MSI2: variants seen among roughly 807,000 people sequenced by gnomAD.
The protein encoded by MSI2 is RNA-binding protein Musashi homolog 2.
Under a neutral mutation model 45.6 loss-of-function variants are expected in MSI2, and 17 were observed. The observed-to-expected ratio is 0.37, with a 90% CI of 0.26 to 0.56. The LOEUF (loss-of-function observed/expected upper bound fraction) is 0.56, where lower values mean the gene tolerates loss of function less well. Among genes scored for constraint, MSI2 ranks in the 20% least tolerant of loss-of-function variants. MSI2 has a pLI of 0.77. For missense variants in MSI2, 293 were observed against 444.2 expected (o/e 0.66, Z 3.06); for synonymous variants, 156 against 158.2 (o/e 0.99, Z 0.11).
chr17:57,271,488 GA>G (rs1908366045), intron 5 of MSI2, among the ~76,000 whole-genome samples: 1 of 152,114 alleles, frequency 6.6e-6, no homozygotes, highest in Non-Finnish European at 1.5e-5. Flanking sequence ...CAAGGGTTTA[GA>G]AAAATCTAAT....
In MSI2 at chr17:57,487,237, C is replaced by T. The variant is rs149431384; in HGVS notation, c.406-42439C>T. Among the ~76,000 whole-genome samples the T allele has an allele frequency of 7.6e-4, 116 of 152,318 alleles. 1 individual carries two copies. Among genetic ancestry groups the T allele is most frequent in the African/African-American group, 2.7e-3 (114 of 41,574 alleles). On this transcript the variant is annotated intron_variant, in intron 6 of 13. Transcript: ENST00000284073. ...GCAAAGATAGTAGCAGCTTTGATGCCAGGCTGGGAATTCTGCCTGCGCTGT... is the reference window on the plus strand; with the variant it reads ...GCAAAGATAGTAGCAGCTTTGATGCTAGGCTGGGAATTCTGCCTGCGCTGT...
At chr17:57,415,309 T>C (rs958150273) in intron 6 of MSI2, among the ~76,000 whole-genome samples, 17 of 152,152 alleles carry the variant, frequency 1.1e-4, no homozygotes, top group African/African-American at 4.1e-4. Flanking sequence ...TGTTTGTGGG[T>C]ACATTTTTGC....
chr17:57,455,559 G>A (rs1275080062), intron 6 of MSI2, among the ~76,000 whole-genome samples: 1 of 152,142 alleles, frequency 6.6e-6, no homozygotes, highest in Non-Finnish European at 1.5e-5. Context: ...CTTTAAACAA[G>A]CGCAGTTCTC....
intron 7 of MSI2, among the ~76,000 whole-genome samples, chr17:57,573,799 G>A (rs1416034827): frequency 6.6e-6 from 1 of 152,196 alleles, no homozygotes; most frequent in Non-Finnish European, 1.5e-5. Context: ...ACTCCCTGAT[G>A]GAAGGAGGGC....
chr17:57,440,231 G>A (rs1011244715), intron 6 of MSI2, among the ~76,000 whole-genome samples: 2 of 152,160 alleles, frequency 1.3e-5, no homozygotes, highest in Admixed American at 6.5e-5. Flanking sequence ...TGAACTGGGT[G>A]GCCAGCTGGG....
chr17:57,262,223 G>A, intron 5 of MSI2, 31 bp downstream of exon 5: 1 of 1,611,972 alleles, frequency 6.2e-7, no homozygotes, highest in Non-Finnish European at 8.5e-7. Context: ...TAGGATTTTA[G>A]CACTCAGAGA....
intron 7 of MSI2, among the ~76,000 whole-genome samples, chr17:57,594,400 A>T (rs373567438): frequency 2.0e-5 from 3 of 152,206 alleles, no homozygotes; most frequent in African/African-American, 7.2e-5. Context: ...GGGAGTTTTA[A>T]CCTGATGTTT....
At chr17:57,375,059 G>A (rs944206763) in intron 5 of MSI2, among the ~76,000 whole-genome samples, 1 of 152,166 alleles carries the variant, frequency 6.6e-6, no homozygotes, top group Non-Finnish European at 1.5e-5. Flanking sequence ...AGTGCTTGGT[G>A]TTCACACAGC....
intron 6 of MSI2, among the ~76,000 whole-genome samples, chr17:57,455,195 A>G (rs996500393): frequency 1.3e-5 from 2 of 151,840 alleles, no homozygotes; most frequent in South Asian, 4.2e-4. Context: ...CCAGCTGTCT[A>G]TTGCAGCTTG....
chr17:57,612,803 T>G (rs1461978354), intron 8 of MSI2, among the ~76,000 whole-genome samples: 1 of 152,234 alleles, frequency 6.6e-6, no homozygotes, highest in Non-Finnish European at 1.5e-5. Context: ...CAGCAGGTTT[T>G]CATAAGACAA....
chr17:57,404,502 C>T (rs1191624123), intron 6 of MSI2, among the ~76,000 whole-genome samples: 1 of 152,160 alleles, frequency 6.6e-6, no homozygotes, highest in Non-Finnish European at 1.5e-5. Flanking sequence ...TGAGTGTCAG[C>T]AGAGGTCACC....
intron 7 of MSI2, among the ~76,000 whole-genome samples, chr17:57,568,560 T>C (rs1598408353): frequency 6.6e-6 from 1 of 152,200 alleles, no homozygotes; most frequent in East Asian, 1.9e-4. Flanking sequence ...TCTAGAACTT[T>C]CTTGCTGATT....
chr17:57,693,609 T>C, the MSI2 span, among the ~76,000 whole-genome samples: 1 of 152,254 alleles, frequency 6.6e-6, no homozygotes, highest in East Asian at 1.9e-4. Context: ...TATTCATGTA[T>C]GTTGTTCATC....
upstream of MSI2, among the ~76,000 whole-genome samples, chr17:57,256,184 C>T (rs954448729): frequency 5.9e-5 from 9 of 152,002 alleles, no homozygotes; most frequent in African/African-American, 9.7e-5. Context: ...CCCGCGCCTC[C>T]CCTCCCCCGA....
At chr17:57,636,613 G>C (rs938094360) in intron 10 of MSI2, among the ~76,000 whole-genome samples, 1 of 152,208 alleles carries the variant, frequency 6.6e-6, no homozygotes, top group Admixed American at 6.5e-5. Flanking sequence ...CCCTCCCCAG[G>C]CTCTGTAATC....
chr17:57,283,899 G>A (rs985085441), intron 5 of MSI2, among the ~76,000 whole-genome samples: 1 of 152,220 alleles, frequency 6.6e-6, no homozygotes, highest in African/African-American at 2.4e-5. Flanking sequence ...CACTCACGTT[G>A]TGCCCAGCAG....
chr17:57,303,022 C>T (rs190855100), intron 5 of MSI2, among the ~76,000 whole-genome samples: 358 of 152,276 alleles, frequency 2.4e-3, no homozygotes, highest in African/African-American at 8.3e-3. Flanking sequence ...AAAAGGACCA[C>T]CAGGCTCCAG....
At chr17:57,574,977 C>T (rs1213937303) in intron 7 of MSI2, among the ~76,000 whole-genome samples, 3 of 152,034 alleles carry the variant, frequency 2.0e-5, no homozygotes, top group African/African-American at 7.2e-5. Context: ...ACTGCAGGTG[C>T]CCACCACCAC....
chr17:57,359,221 A>T (rs575039087), intron 5 of MSI2, among the ~76,000 whole-genome samples: 2 of 152,204 alleles, frequency 1.3e-5, no homozygotes, highest in African/African-American at 4.8e-5. Flanking sequence ...CAGCCCATCA[A>T]GCTGTCTGGG....
Sources: allele counts gnomAD v4.1 joint callset (sites outside exome capture counted in the v4.1 genomes callset), GRCh38; gene constraint gnomAD v4.1.1; transcripts MANE v1.5; gene names NCBI Gene and HGNC (gene_info 2026-07-23, HGNC 2026-07-21).